PLD1: variants seen among roughly 807,000 people sequenced by gnomAD.
PLD1 encodes the protein phospholipase D1.
Under a neutral mutation model 137.1 loss-of-function variants are expected in PLD1, and 112 were observed. The observed-to-expected ratio is 0.82, with a 90% CI of 0.70 to 0.96. The LOEUF is 0.96. Ranked by LOEUF, PLD1 falls within the 40% of genes least tolerant of loss-of-function variation. PLD1 has a pLI of 0.00. For synonymous variants in PLD1, 431 were observed against 454.7 expected (o/e 0.95, Z 0.66); for missense variants, 1,321 against 1,342.0 (o/e 0.98, Z 0.24).
rs536564768 is a variant in PLD1 at position 171,808,491 on chromosome 3, G to C, written c.-32+1908C>G. 4.8e-3 allele frequency among the ~76,000 whole-genome samples: 726 copies of C among 152,166 alleles called. 8 individuals carry two copies. The highest frequency in any genetic ancestry group is 0.017 in the African/African-American group (700 of 41,520). The stretch of plus-strand genomic sequence containing the variant: ...GTGGAGCTTGCAGTGAGCCGAGATC[G>C]CGCCACTGCACTCCAGCCTGGGCGA... On this transcript the variant is annotated intron_variant, in intron 1 of 26. Transcript: ENST00000351298.
At chr3:171,735,377 C>T (rs1294151183) in intron 4 of PLD1, 115 bp downstream of exon 4, 7 of 831,032 alleles carry the variant, frequency 8.4e-6, no homozygotes, top group Non-Finnish European at 1.4e-5. Context: ...CTCAACTGAT[C>T]CTCCTGCCTC....
intron 25 of PLD1, among the ~76,000 whole-genome samples, chr3:171,606,936 G>T (rs911183768): frequency 6.6e-6 from 1 of 152,114 alleles, no homozygotes; most frequent in Admixed American, 6.5e-5. Flanking sequence ...CTGCAAGAAA[G>T]GCTGTACCAA....
chr3:171,699,725 T>C lies in PLD1; in HGVS notation c.1227+20A>G. 1 of 1,570,674 alleles carries C rather than the reference T, an allele frequency of 6.4e-7. No individual in the cohort carries two copies. ...AGACAGTTAAAAAATTATATCAGCA[T>C]TTTCTGGGAAAGTACATACTGCTTT... On this transcript the variant is annotated intron_variant, in intron 12 of 26. Coordinates refer to ENST00000351298, the MANE Select transcript of PLD1 (RefSeq NM_002662.5).
chr3:171,691,955 G>A (rs548282115), intron 13 of PLD1, among the ~76,000 whole-genome samples: 212 of 152,280 alleles, frequency 1.4e-3, no homozygotes, highest in African/African-American at 4.9e-3. Flanking sequence ...AAATCCTAGA[G>A]GAGATCTCTT....
At chr3:171,755,751 C>T (rs564114649) in intron 1 of PLD1, among the ~76,000 whole-genome samples, 1 of 152,298 alleles carries the variant, frequency 6.6e-6, no homozygotes, top group South Asian at 2.1e-4. Context: ...TCTGTATTGC[C>T]CATCACTAGC....
Position 171,688,830 on chromosome 3 carries a change from G to A in PLD1, c.1385C>T (p.Ala462Val), listed in dbSNP as rs1347396385. ...DHVSSTVYLWAHHEKLVIIDQ... is the reference protein window; with the variant it reads ...DHVSSTVYLWVHHEKLVIIDQ... Reference sequence around the variant, plus strand: ...AATGATGACAAGCTTCTCATGGTGAGCCCACAAATAGACGGTGGATGACAC... The same window carrying A: ...AATGATGACAAGCTTCTCATGGTGAACCCACAAATAGACGGTGGATGACAC... Residue 462 changes from alanine (A) to valine (V), a missense_variant, in exon 14 of 27, where the codon GCT becomes GTT. Coordinates refer to ENST00000351298, the MANE Select transcript of PLD1 (RefSeq NM_002662.5). 6.2e-7 allele frequency: 1 copy of A among 1,614,054 alleles called. No homozygotes were observed. Among genetic ancestry groups the A allele is most frequent in the South Asian group, 1.1e-5 (1 of 91,078 alleles).
chr3:171,673,142 G>A (rs1002936847), intron 19 of PLD1, among the ~76,000 whole-genome samples: 1 of 151,870 alleles, frequency 6.6e-6, no homozygotes, highest in Non-Finnish European at 1.5e-5. Flanking sequence ...TCTCCTCTAC[G>A]TAGAATAAAA....
chr3:171,699,634 TCAAAC>T, intron 12 of PLD1, 106 bp downstream of exon 12: 2 of 755,502 alleles, frequency 2.6e-6, no homozygotes, highest in Non-Finnish European at 2.2e-6. Context: ...CTACTTTTTG[TCAAAC>T]TCTAAAGTGA....
At chr3:171,713,347 G>C (rs2108575179) in intron 9 of PLD1, among the ~76,000 whole-genome samples, 1 of 152,300 alleles carries the variant, frequency 6.6e-6, no homozygotes, top group South Asian at 2.1e-4. Flanking sequence ...TGTAGTCCCA[G>C]CTACTCAGGA....
chr3:171,721,578 C>T (rs966695395), intron 8 of PLD1: 1 of 152,142 alleles, frequency 6.6e-6, no homozygotes, highest in African/African-American at 2.4e-5. Context: ...ATCACAAATG[C>T]TTAAGGTTAC....
At chr3:171,719,650 A>G (rs1301985668) in intron 8 of PLD1, among the ~76,000 whole-genome samples, 1 of 152,248 alleles carries the variant, frequency 6.6e-6, no homozygotes, top group Non-Finnish European at 1.5e-5. Context: ...GTACCACCCT[A>G]ATAAATGCTA....
intron 10 of PLD1, among the ~76,000 whole-genome samples, 184 bp from the exon 11 acceptor site, chr3:171,709,022 G>A (rs1487498438): frequency 6.6e-6 from 1 of 152,154 alleles, no homozygotes; most frequent in East Asian, 1.9e-4. Context: ...TGCCTAGGAA[G>A]GGCAGTAAGT....
chr3:171,781,605 C>T (rs188587504), intron 1 of PLD1, among the ~76,000 whole-genome samples: 2 of 152,172 alleles, frequency 1.3e-5, no homozygotes, highest in African/African-American at 4.8e-5. Flanking sequence ...CAAAGGAAGA[C>T]AGACTCGTGA....
At chr3:171,739,790 G>T (rs1242732146) in intron 1 of PLD1, among the ~76,000 whole-genome samples, 1 of 152,182 alleles carries the variant, frequency 6.6e-6, no homozygotes, top group East Asian at 1.9e-4. Flanking sequence ...AGGTCACACA[G>T]CTGGTAAGTG....
Position 171,699,815 on chromosome 3 carries a change from T to C in PLD1, c.1157A>G (p.Glu386Gly), listed in dbSNP as rs1438019755. Residue 386 changes from glutamate (E) to glycine (G), a missense_variant, in exon 12 of 27, where the codon GAA becomes GGA. By Grantham distance (98) the Glu-to-Gly change is moderately conservative. Coordinates refer to ENST00000351298, the MANE Select transcript of PLD1 (RefSeq NM_002662.5). Reference sequence around the variant, plus strand: ...AACCACTGGGCGTTTCAGGAAGATTTCTGGACTCAGCCTGAAACAATGAAA... The same window carrying C: ...AACCACTGGGCGTTTCAGGAAGATTCCTGGACTCAGCCTGAAACAATGAAA... ...IFITDWWLSP[E>G]IFLKRPVVEG... 1 of 1,613,508 alleles carries C rather than the reference T, an allele frequency of 6.2e-7. No homozygotes were observed. The highest frequency in any genetic ancestry group is 1.7e-5 in the Admixed American group (1 of 60,018).
chr3:171,656,992 T>TCCCCA (rs1737263548), intron 21 of PLD1, among the ~76,000 whole-genome samples: 1 of 152,146 alleles, frequency 6.6e-6, no homozygotes, highest in Non-Finnish European at 1.5e-5. Flanking sequence ...CTGAATGGGT[T>TCCCCA]TTTAATCCTA....
Position 171,603,180 on chromosome 3 carries a change from A to G in PLD1, c.3123T>C (p.Arg1041=). 6.2e-7 allele frequency: 1 copy of G among 1,614,146 alleles called. No individual in the cohort carries two copies. Among genetic ancestry groups the G allele is most frequent in the Non-Finnish European group, 8.5e-7 (1 of 1,179,982 alleles). ...IRAEEELKKI[R]GFLVQFPFYF... is the part of the protein sequence containing the mutation. ...AAAAGGGGAATTGCACCAAAAATCCACGGATCTTCTTCAGTTCCTCCTCAG... is the reference window on the plus strand; with the variant it reads ...AAAAGGGGAATTGCACCAAAAATCCGCGGATCTTCTTCAGTTCCTCCTCAG... The change falls in exon 27 of 27, where the codon CGT becomes CGC. Residue 1041 remains arginine, a synonymous_variant. Coordinates refer to ENST00000351298, the MANE Select transcript of PLD1 (RefSeq NM_002662.5).
chr3:171,698,199 C>T (rs1007583534), intron 12 of PLD1, among the ~76,000 whole-genome samples: 1 of 152,210 alleles, frequency 6.6e-6, no homozygotes, highest in Non-Finnish European at 1.5e-5. Flanking sequence ...AAGTTCGCCA[C>T]TGGCAAGGTT....
rs1373033088 is a variant in PLD1 at position 171,709,701 on chromosome 3, A to G, written c.920T>C (p.Ile307Thr). 8 of 1,611,568 alleles carry G rather than the reference A, an allele frequency of 5.0e-6. No individual in the cohort carries two copies. The highest frequency in any genetic ancestry group is 6.8e-6 in the Non-Finnish European group (8 of 1,179,336). ...IRIDNLSRTL[I>T]LKCNSYRHAR... Reference sequence around the variant, plus strand: ...ATGTCTATAGCTGTTGCATTTTAAAATAAGTGTCCTTTAAAGAAAAAGCCA... The same window carrying G: ...ATGTCTATAGCTGTTGCATTTTAAAGTAAGTGTCCTTTAAAGAAAAAGCCA... Residue 307 changes from isoleucine (I) to threonine (T), a missense_variant, in exon 10 of 27, where the codon ATT becomes ACT. Physicochemically the swap from Ile to Thr is moderately conservative, Grantham distance 89. Coordinates refer to ENST00000351298, the MANE Select transcript of PLD1 (RefSeq NM_002662.5).
Sources: allele counts gnomAD v4.1 joint callset (sites outside exome capture counted in the v4.1 genomes callset), GRCh38; gene constraint gnomAD v4.1.1; transcripts MANE v1.5; gene names NCBI Gene and HGNC (gene_info 2026-07-23, HGNC 2026-07-21).